Variants in FSHR observed in about 807,000 individuals in gnomAD.
FSHR encodes follicle stimulating hormone receptor.
Under a neutral mutation model 52.1 loss-of-function variants are expected in FSHR, and 46 were observed. The observed-to-expected ratio is 0.88, with a 90% confidence interval of 0.70 to 1.13. FSHR has a LOEUF of 1.13. FSHR is among the 50% of genes most tolerant of loss of function. FSHR has a pLI of 0.00. For synonymous variants in FSHR, 399 were observed against 309.6 expected (o/e 1.29, Z -3.03); for missense variants, 964 against 834.6 (o/e 1.16, Z -1.91).
At chr2:49,035,599 A>G (rs929634012) in intron 2 of FSHR, among the ~76,000 whole-genome samples, 1 of 152,142 alleles carries the variant, frequency 6.6e-6, no homozygotes, top group Non-Finnish European at 1.5e-5. Context: ...CTATCAAAAC[A>G]TCAGCCTATG....
chr2:49,053,955 A>T (rs1048301113), intron 2 of FSHR, among the ~76,000 whole-genome samples: 1 of 152,240 alleles, frequency 6.6e-6, no homozygotes, highest in Non-Finnish European at 1.5e-5. Context: ...GATTAGTATT[A>T]GAGAAGTTGA....
chr2:49,065,176 A>G (rs1377464616), intron 2 of FSHR, among the ~76,000 whole-genome samples: 1 of 152,094 alleles, frequency 6.6e-6, no homozygotes, highest in Admixed American at 6.6e-5. Context: ...GGTGGGAAAT[A>G]AAGGGTTTTG....
intron 2 of FSHR, among the ~76,000 whole-genome samples, chr2:49,052,798 A>G (rs188627289): frequency 9.7e-4 from 148 of 152,274 alleles, no homozygotes; most frequent in Admixed American, 1.7e-3. Context: ...TTGGGTTAGG[A>G]AGGAACTTAA....
intron 2 of FSHR, among the ~76,000 whole-genome samples, chr2:49,043,248 G>T (rs549092257): frequency 7.9e-5 from 11 of 140,032 alleles, no homozygotes; most frequent in African/African-American, 2.6e-4. Context: ...CCCAGGTGTG[G>T]TTTGCCACTT....
chr2:48,984,984 A>T (rs1234307534), intron 6 of FSHR, among the ~76,000 whole-genome samples: 1 of 152,194 alleles, frequency 6.6e-6, no homozygotes, highest in Non-Finnish European at 1.5e-5. Context: ...AATTATGTTC[A>T]GAACTGCTGC....
At chr2:48,985,440 T>C (rs1311258711) in intron 6 of FSHR, among the ~76,000 whole-genome samples, 2 of 152,136 alleles carry the variant, frequency 1.3e-5, no homozygotes, top group African/African-American at 4.8e-5. Flanking sequence ...TTTTATTTCT[T>C]CTGAATTAGG....
intron 2 of FSHR, among the ~76,000 whole-genome samples, chr2:49,027,850 C>CAAA (rs397868435): frequency 6.4e-4 from 32 of 49,870 alleles, no homozygotes; most frequent in African/African-American, 1.7e-3. Context: ...ACTCTTTCTC[C>CAAA]AAAAAAAAAA....
chr2:48,989,273 CTTTTTTTTTTT>C (rs70946840), intron 5 of FSHR, among the ~76,000 whole-genome samples: 10 of 120,812 alleles, frequency 8.3e-5, no homozygotes, highest in Non-Finnish European at 9.7e-5. Flanking sequence ...CATTCAGTGT[CTTTTTTTTTTT>C]TTTTTTTTTT....
intron 7 of FSHR, 39 bp downstream of exon 7, chr2:48,983,059 C>T (rs751053368): frequency 5.0e-6 from 8 of 1,605,800 alleles, no homozygotes; most frequent in Non-Finnish European, 6.8e-6. Context: ...AGAGCCATTT[C>T]CCTTTAAATG....
intron 4 of FSHR, among the ~76,000 whole-genome samples, chr2:49,002,286 C>T (rs375315345): frequency 2.0e-4 from 31 of 152,226 alleles, no homozygotes; most frequent in African/African-American, 6.7e-4. Flanking sequence ...AAAATGTTCC[C>T]ACACCCAGTT....
intron 2 of FSHR, among the ~76,000 whole-genome samples, chr2:49,024,610 C>G (rs1475194793): frequency 6.6e-6 from 1 of 152,026 alleles, no homozygotes; most frequent in African/African-American, 2.4e-5. Context: ...AATAAGAAAT[C>G]AAAAACAGAA....
intron 1 of FSHR, among the ~76,000 whole-genome samples, chr2:49,070,512 G>C (rs1669690104): frequency 6.6e-6 from 1 of 152,058 alleles, no homozygotes; most frequent in Admixed American, 6.6e-5. Flanking sequence ...TAATAAAATT[G>C]TTTTAAACTA....
intron 6 of FSHR, among the ~76,000 whole-genome samples, chr2:48,988,608 C>T (rs1344955692): frequency 6.6e-6 from 1 of 152,206 alleles, no homozygotes; most frequent in Non-Finnish European, 1.5e-5. Context: ...AGGGAATCGC[C>T]ATATCTTCCT....
intron 1 of FSHR, among the ~76,000 whole-genome samples, chr2:49,085,128 A>G (rs560819060): frequency 6.6e-6 from 1 of 152,048 alleles, no homozygotes; most frequent in East Asian, 1.9e-4. Flanking sequence ...CCAGCAGCAC[A>G]TCAAAAAGCT....
In FSHR at chr2:49,143,313, G is replaced by A. The variant is rs1672755251; in HGVS notation, c.152+10953C>T. 7.9e-5 allele frequency among the ~76,000 whole-genome samples: 12 copies of A among 152,326 alleles called. No homozygotes were observed. The South Asian group carries it at 2.5e-3, about 32-fold the overall frequency. The stretch of plus-strand genomic sequence containing the variant: ...TACTCGAATGGTCACTGCATGGAGT[G>A]TTCCTGAGAGGTGTGTAATGTGAAC... On this transcript the variant is annotated intron_variant, in intron 1 of 9. Transcript: ENST00000406846.
In FSHR at chr2:49,035,042, A is replaced by G. The variant is rs113832333; in HGVS notation, c.225-14882T>C. 2.8e-3 allele frequency among the ~76,000 whole-genome samples: 422 copies of G among 152,324 alleles called. 2 individuals are homozygous for G. Among genetic ancestry groups the G allele is most frequent in the African/African-American group, 9.9e-3 (413 of 41,576 alleles). ...AGATGGGGCTGCTTCCTCTGCTTAC[A>G]CAGGTGGCTACCCAGTGTCACATTC... On this transcript the variant is annotated intron_variant, in intron 2 of 9. Transcript: ENST00000406846.
At chr2:49,043,617 C>A (rs1668554091) in intron 2 of FSHR, among the ~76,000 whole-genome samples, 2 of 152,208 alleles carry the variant, frequency 1.3e-5, no homozygotes, top group South Asian at 4.1e-4. Context: ...TTGATGGACA[C>A]ATTCCTAGCA....
Position 49,154,158 on chromosome 2 carries a change from G to A in FSHR, c.152+108C>T. 7 of 1,230,912 alleles carry A rather than the reference G, an allele frequency of 5.7e-6. No homozygotes were observed. In the South Asian group the frequency reaches 8.9e-5, roughly 16 times the overall value. 76.2% of individuals were successfully genotyped at this position (1,230,912 alleles called of 1,614,324 possible). On this transcript the variant is annotated intron_variant, in intron 1 of 9. Coordinates refer to ENST00000406846, the MANE Select transcript of FSHR (RefSeq NM_000145.4). ...GTTTTATTCAGGACTTCGGTCAAGG[G>A]GCAGAAATATTTCAGTCTAACAGAT...
intron 2 of FSHR, among the ~76,000 whole-genome samples, chr2:49,037,976 T>G (rs1668331073): frequency 6.6e-6 from 1 of 151,924 alleles, no homozygotes; most frequent in Non-Finnish European, 1.5e-5. Context: ...ACTACAAAGA[T>G]AAAAATCTGA....
Sources: allele counts gnomAD v4.1 joint callset (sites outside exome capture counted in the v4.1 genomes callset), GRCh38; gene constraint gnomAD v4.1.1; transcripts MANE v1.5; gene names NCBI Gene and HGNC (gene_info 2026-07-23, HGNC 2026-07-21).